The following ELOVL5 variants were observed in gnomAD, a reference collection of about 807,000 sequenced individuals.
ELOVL5 encodes very long chain fatty acid elongase 5.
A neutral mutation model predicts 38.6 loss-of-function variants in ELOVL5; 8 were observed. That is an observed-to-expected ratio of 0.21 (90% CI 0.12 to 0.37). The LOEUF (loss-of-function observed/expected upper bound fraction) is 0.37, where lower values mean the gene tolerates loss of function less well. Ranked by LOEUF, ELOVL5 falls within the 10% of genes least tolerant of loss-of-function variation. ELOVL5 has a pLI of 1.00. For missense variants in ELOVL5, 280 were observed against 367.8 expected (o/e 0.76, Z 1.95); for synonymous variants, 127 against 133.7 (o/e 0.95, Z 0.34).
chr6:53,321,236 AC>A (rs1768293353), intron 1 of ELOVL5, among the ~76,000 whole-genome samples: 1 of 152,210 alleles, frequency 6.6e-6, no homozygotes, highest in African/African-American at 2.4e-5. Flanking sequence ...AAATAACGTT[AC>A]CTGTGACAAA....
chr6:53,281,459 C>G (rs768976520), intron 3 of ELOVL5, among the ~76,000 whole-genome samples: 3 of 152,146 alleles, frequency 2.0e-5, no homozygotes, highest in African/African-American at 7.2e-5. Flanking sequence ...GGGATTAGCA[C>G]AAAGGAATCC....
chr6:53,312,063 T>C (rs1767860276), intron 1 of ELOVL5, among the ~76,000 whole-genome samples: 2 of 152,190 alleles, frequency 1.3e-5, no homozygotes, highest in South Asian at 4.1e-4. Context: ...GAAAGGTGGT[T>C]AGCCTTCAAG....
chr6:53,289,505 G>C (rs1161929736), intron 3 of ELOVL5, among the ~76,000 whole-genome samples: 1 of 152,198 alleles, frequency 6.6e-6, no homozygotes, highest in African/African-American at 2.4e-5. Context: ...GATCACCTGA[G>C]GTCAGGAGTT....
chr6:53,275,629 A>G (rs1386658531), intron 4 of ELOVL5, among the ~76,000 whole-genome samples: 1 of 152,054 alleles, frequency 6.6e-6, no homozygotes, highest in Non-Finnish European at 1.5e-5. Context: ...CCATCTGAAA[A>G]ACGCTATTGA....
At chr6:53,334,185 T>C (rs927954761) in intron 1 of ELOVL5, among the ~76,000 whole-genome samples, 1 of 152,156 alleles carries the variant, frequency 6.6e-6, no homozygotes, top group East Asian at 1.9e-4. Flanking sequence ...TAACACGTTG[T>C]AGCAAGCAGA....
intron 1 of ELOVL5, among the ~76,000 whole-genome samples, chr6:53,325,231 A>C (rs1768488306): frequency 6.6e-6 from 1 of 152,208 alleles, no homozygotes; most frequent in African/African-American, 2.4e-5. Context: ...TAGATGTCCT[A>C]TCCAAGGACA....
chr6:53,305,064 C>T (rs571615286), intron 1 of ELOVL5, among the ~76,000 whole-genome samples: 25 of 150,470 alleles, frequency 1.7e-4, no homozygotes, highest in Admixed American at 1.5e-3. Flanking sequence ...GCTGACCCCC[C>T]CCACCTCCCT....
At position 53,284,177 on chromosome 6, in the gene ELOVL5, G is replaced by A. The variant is rs986305469; in HGVS notation, c.246+7599C>T. ...AAATATTAGCTGGGCACAGTGGCAT[G>A]CTCCTGCAGTCCCAGCTGCCTGGGA... On this transcript the variant is annotated intron_variant, in intron 3 of 7. Coordinates refer to ENST00000304434, the MANE Select transcript of ELOVL5 (RefSeq NM_021814.5). Among the ~76,000 whole-genome samples the A allele has an allele frequency of 2.3e-3, 350 of 152,196 alleles. 9 individuals are homozygous for A. Among genetic ancestry groups the A allele is most frequent in the Non-Finnish European group, 2.2e-4 (15 of 68,012 alleles).
rs771957174 is a variant in ELOVL5, at chr6:53,269,222, G to A, written c.805C>T (p.His269Tyr). The A allele has an allele frequency of 6.2e-7, 1 of 1,613,114 alleles. No individual in the cohort carries two copies. The highest frequency in any genetic ancestry group is 8.5e-7 in the Non-Finnish European group (1 of 1,179,384). Residue 269 changes from histidine to tyrosine, a missense_variant, in exon 8 of 8, where the codon CAC (histidine) becomes TAC (tyrosine). His to Tyr is a moderately conservative substitution (Grantham distance 83). Around this residue, in one of 3 missense-constraint regions of ELOVL5, gnomAD observed 125 missense variants for 158.9 expected, o/e 0.79. Transcript: ENST00000304434. ...ASRRKDHLKD[H>Y]QNGSMAAVNG... The stretch of plus-strand genomic sequence containing the variant: ...ACAGCAGCCATGGACCCATTCTGGT[G>A]GTCCTTCAGGTGGTCTTTCCTTCGG...
At chr6:53,287,869 T>A (rs1457264556) in intron 3 of ELOVL5, 2 of 1,535,690 alleles carry the variant, frequency 1.3e-6, no homozygotes, top group Non-Finnish European at 1.7e-6. Flanking sequence ...GACCCTGTTT[T>A]CTGGCAGCTG....
At chr6:53,333,756 T>C (rs1768909063) in intron 1 of ELOVL5, among the ~76,000 whole-genome samples, 1 of 152,198 alleles carries the variant, frequency 6.6e-6, no homozygotes, top group Non-Finnish European at 1.5e-5. Flanking sequence ...GCAGTTTTCA[T>C]GTGTGGTTTA....
At chr6:53,337,307 T>C (rs1235645432) in intron 1 of ELOVL5, 2 of 152,312 alleles carry the variant, frequency 1.3e-5, no homozygotes, top group African/African-American at 2.4e-5. Flanking sequence ...ACCACAGCTA[T>C]GGCCATCTCC....
At chr6:53,348,439 G>A (rs956712614) in intron 1 of ELOVL5, among the ~76,000 whole-genome samples, 3 of 152,162 alleles carry the variant, frequency 2.0e-5, no homozygotes, top group Admixed American at 2.0e-4. Flanking sequence ...CAGGGCGGGA[G>A]GACCCAGGCG....
chr6:53,301,967 C>G (rs1767273186), intron 1 of ELOVL5, among the ~76,000 whole-genome samples: 1 of 152,090 alleles, frequency 6.6e-6, no homozygotes, highest in Non-Finnish European at 1.5e-5. Flanking sequence ...TGAGGGAGTT[C>G]AGCACACCTT....
chr6:53,328,847 G>C (rs180979287), intron 1 of ELOVL5, among the ~76,000 whole-genome samples: 78 of 152,278 alleles, frequency 5.1e-4, no homozygotes, highest in Admixed American at 1.2e-3. Flanking sequence ...GTTGTTTTGG[G>C]TTTTTACTTT....
rs1049546776 is a variant in ELOVL5 at position 53,281,886 on chromosome 6, C to T, written c.247-5630G>A. Among the ~76,000 whole-genome samples the T allele has an allele frequency of 4.6e-5, 7 of 151,572 alleles. No individual in the cohort carries two copies. The South Asian group carries it at 6.3e-4, about 14-fold the overall frequency. On this transcript the variant is annotated intron_variant, in intron 3 of 7. Coordinates refer to ENST00000304434, the MANE Select transcript of ELOVL5 (RefSeq NM_021814.5). The stretch of plus-strand genomic sequence containing the variant: ...CTGGGTTATAGCTGAACGTAACACT[C>T]TTGGCTAAGTTAAAAAAGACAGGTT...
At chr6:53,294,393 T>C in intron 2 of ELOVL5, 1 of 1,554,386 alleles carries the variant, frequency 6.4e-7, no homozygotes, top group Non-Finnish European at 8.7e-7. Flanking sequence ...AAATGAAACA[T>C]TTTTTCTTCT....
chr6:53,332,974 G>A (rs1322832957), intron 1 of ELOVL5, among the ~76,000 whole-genome samples: 1 of 152,172 alleles, frequency 6.6e-6, no homozygotes, highest in Non-Finnish European at 1.5e-5. Context: ...AAGAAAAGCA[G>A]GTCAGCAAGG....
intron 1 of ELOVL5, among the ~76,000 whole-genome samples, chr6:53,314,134 T>C (rs1581968278): frequency 6.6e-6 from 1 of 152,370 alleles, no homozygotes; most frequent in East Asian, 1.9e-4. Context: ...ATATTGAGAA[T>C]TGGGTCCTAA....
Sources: gnomAD v4.1 joint callset for allele counts (sites outside exome capture counted in the v4.1 genomes callset) on GRCh38, gnomAD v4.1.1 for gene constraint, gnomAD v4.1.1 regional missense constraint, MANE v1.5 for transcripts, NCBI Gene and HGNC (gene_info 2026-07-23, HGNC 2026-07-21) for gene names.